The following CARMIL1 variants were observed in gnomAD, a reference collection of about 807,000 sequenced individuals.
CARMIL1 encodes the protein capping protein regulator and myosin 1 linker 1.
Under a neutral mutation model 177.1 loss-of-function variants are expected in CARMIL1, and 90 were observed. The ratio of observed to expected loss-of-function variants is 0.51; its 90% confidence interval spans 0.43 to 0.61. The LOEUF (loss-of-function observed/expected upper bound fraction) is 0.61. Ranked by LOEUF, CARMIL1 falls within the 20% of genes least tolerant of loss-of-function variation. CARMIL1 has a pLI of 0.00. For missense variants in CARMIL1, 1,380 were observed against 1,667.0 expected (o/e 0.83, Z 3.00); for synonymous variants, 577 against 606.2 (o/e 0.95, Z 0.71).
chr6:25,570,700 A>G (rs902733730), intron 29 of CARMIL1, among the ~76,000 whole-genome samples: 3 of 152,260 alleles, frequency 2.0e-5, no homozygotes, highest in Non-Finnish European at 4.4e-5. Context: ...TTGTTTTAAC[A>G]TCATGATGCC....
intron 4 of CARMIL1, among the ~76,000 whole-genome samples, chr6:25,434,306 G>T (rs758582129): frequency 1.3e-5 from 2 of 151,956 alleles, no homozygotes; most frequent in Non-Finnish European, 2.9e-5. Context: ...TGCCCCTTTT[G>T]TGACCGACCT....
intron 28 of CARMIL1, among the ~76,000 whole-genome samples, chr6:25,555,023 A>G (rs1348979492): frequency 6.6e-6 from 1 of 152,224 alleles, no homozygotes; most frequent in African/African-American, 2.4e-5. Context: ...CTCTAATAGC[A>G]CAATTCAAAT....
intron 24 of CARMIL1, among the ~76,000 whole-genome samples, chr6:25,530,260 T>A (rs1807613311): frequency 6.6e-6 from 1 of 151,800 alleles, no homozygotes; most frequent in South Asian, 2.1e-4. Context: ...GGCTCACGCC[T>A]GCAATCTCAA....
chr6:25,557,807 A>G (rs965790995), intron 29 of CARMIL1, among the ~76,000 whole-genome samples: 9 of 152,178 alleles, frequency 5.9e-5, no homozygotes, highest in Non-Finnish European at 1.2e-4. Flanking sequence ...GTGTGTTAAG[A>G]AGTTTACTTA....
chr6:25,292,444 T>C (rs1483840171), intron 2 of CARMIL1, among the ~76,000 whole-genome samples: 1 of 152,190 alleles, frequency 6.6e-6, no homozygotes, highest in Non-Finnish European at 1.5e-5. Context: ...ATTTAAGCAC[T>C]TCACAATTTA....
At chr6:25,517,534 A>G (rs1806122164) in intron 22 of CARMIL1, 119 bp downstream of exon 22, 1 of 719,270 alleles carries the variant, frequency 1.4e-6, no homozygotes, top group South Asian at 1.8e-5. Flanking sequence ...TCTGGGTCTG[A>G]ATTTAGTCTA....
At chr6:25,619,027 A>G (rs1331673012) in intron 36 of CARMIL1, among the ~76,000 whole-genome samples, 5 of 152,178 alleles carry the variant, frequency 3.3e-5, no homozygotes, top group Non-Finnish European at 5.9e-5. Context: ...TCCACCCAGC[A>G]TCTCCTCAAA....
At chr6:25,493,246 G>T (rs866207081) in intron 15 of CARMIL1, among the ~76,000 whole-genome samples, 7 of 152,186 alleles carry the variant, frequency 4.6e-5, no homozygotes, top group South Asian at 2.1e-4. Flanking sequence ...CTAACAAATT[G>T]TCTTGTCTTC....
intron 2 of CARMIL1, among the ~76,000 whole-genome samples, chr6:25,319,764 CTTTTTTTTT>C (rs10625095): frequency 3.4e-5 from 4 of 118,700 alleles, no homozygotes; most frequent in South Asian, 5.7e-4. Context: ...CATTTGGTCA[CTTTTTTTTT>C]TTTTTTTTTT....
intron 5 of CARMIL1, among the ~76,000 whole-genome samples, chr6:25,436,494 C>T (rs1797240539): frequency 6.6e-6 from 1 of 152,186 alleles, no homozygotes; most frequent in Non-Finnish European, 1.5e-5. Flanking sequence ...AAACATGCTC[C>T]TCCTGCAATG....
chr6:25,490,738 T>A (rs1803130943), intron 13 of CARMIL1, among the ~76,000 whole-genome samples: 1 of 136,386 alleles, frequency 7.3e-6, no homozygotes, highest in Non-Finnish European at 1.6e-5. Flanking sequence ...AATAAATAAA[T>A]AAATAAATAA....
chr6:25,586,651 C>G (rs1813738938), intron 31 of CARMIL1, among the ~76,000 whole-genome samples: 1 of 152,082 alleles, frequency 6.6e-6, no homozygotes, highest in Non-Finnish European at 1.5e-5. Flanking sequence ...CCACTGCACT[C>G]CAGCCTGGGC....
intron 2 of CARMIL1, among the ~76,000 whole-genome samples, chr6:25,409,187 G>A (rs1439033601): frequency 2.6e-5 from 4 of 152,118 alleles, no homozygotes; most frequent in Admixed American, 2.6e-4. Flanking sequence ...TCTGACTCAA[G>A]CCACATGCTG....
At position 25,529,433 on chromosome 6, in the gene CARMIL1, A is replaced by G. The variant is rs146878002; in HGVS notation, c.2067+540A>G. Reference sequence around the variant, plus strand: ...CCAGCTTTACCAAAGAAACAGAATTATAATAATTTAAAAAAATGTGAAATA... The same window carrying G: ...CCAGCTTTACCAAAGAAACAGAATTGTAATAATTTAAAAAAATGTGAAATA... On this transcript the variant is annotated intron_variant, in intron 24 of 36. Transcript: ENST00000329474. 3.5e-3 allele frequency among the ~76,000 whole-genome samples: 531 copies of G among 152,362 alleles called. 2 individuals carry two copies. Among genetic ancestry groups the G allele is most frequent in the African/African-American group, 0.011 (458 of 41,584 alleles).
At position 25,426,563 on chromosome 6, in the gene CARMIL1, G is replaced by A; in HGVS notation, c.249+3G>A. The A allele has an allele frequency of 6.2e-7, 1 of 1,611,438 alleles. No homozygotes were observed. On this transcript the variant is annotated splice_donor_region_variant and intron_variant, in intron 4 of 36. Transcript: ENST00000329474. Reference sequence around the variant, plus strand: ...TCGTTTGCAGCAAGTCAGCTCAGGTGAGTGTGAAAAATGGATCACTGCAAG... The same window carrying A: ...TCGTTTGCAGCAAGTCAGCTCAGGTAAGTGTGAAAAATGGATCACTGCAAG...
chr6:25,389,239 A>G (rs1792496530), intron 2 of CARMIL1: 2 of 152,272 alleles, frequency 1.3e-5, no homozygotes, highest in African/African-American at 4.8e-5. Flanking sequence ...ATTGGAGTCT[A>G]TAAGCAAACT....
chr6:25,281,973 G>T (rs1006652806), intron 1 of CARMIL1, among the ~76,000 whole-genome samples: 1 of 151,902 alleles, frequency 6.6e-6, no homozygotes, highest in African/African-American at 2.4e-5. Flanking sequence ...AAATTAGCTG[G>T]GCGTGGGGGC....
intron 32 of CARMIL1, among the ~76,000 whole-genome samples, chr6:25,598,038 G>A (rs939828833): frequency 6.6e-6 from 1 of 152,028 alleles, no homozygotes; most frequent in African/African-American, 2.4e-5. Context: ...GATCTTCTCT[G>A]CATTCCCAGT....
intron 11 of CARMIL1, among the ~76,000 whole-genome samples, chr6:25,476,448 C>T (rs570532945): frequency 6.6e-6 from 1 of 152,314 alleles, no homozygotes; most frequent in South Asian, 2.1e-4. Context: ...CTGTATTTGC[C>T]AGTGCTCACA....
Sources: allele counts gnomAD v4.1 joint callset (sites outside exome capture counted in the v4.1 genomes callset), GRCh38; gene constraint gnomAD v4.1.1; transcripts MANE v1.5; gene names NCBI Gene and HGNC (gene_info 2026-07-23, HGNC 2026-07-21).